ERC1: variants seen among roughly 807,000 people sequenced by gnomAD.
ERC1 encodes the protein RAB6 interacting protein 2.
In ERC1, 56 loss-of-function variants were observed where a neutral mutation model predicts 132.0. The ratio of observed to expected loss-of-function variants is 0.42; its 90% CI spans 0.34 to 0.53. ERC1 has a LOEUF of 0.53. Among genes scored for constraint, ERC1 ranks in the 20% least tolerant of loss-of-function variants. The probability of loss-of-function intolerance (pLI) is 0.03; values close to 1 mark genes in which losing one functional copy is unlikely to be tolerated. For synonymous variants in ERC1, 478 were observed against 476.1 expected, an observed-to-expected ratio of 1.00 and a Z score of -0.05; for missense variants, 1,202 against 1,349.9, an observed-to-expected ratio of 0.89 and a Z score of 1.72.
intron 7 of ERC1, among the ~76,000 whole-genome samples, chr12:1,134,724 G>A (rs1949089711): frequency 1.4e-5 from 2 of 141,778 alleles, no homozygotes; most frequent in South Asian, 4.4e-4. Context: ...GGGGTCCTCA[G>A]TAACTTTTTT....
chr12:1,091,703 C>T (rs1261206225), intron 3 of ERC1, among the ~76,000 whole-genome samples: 2 of 152,128 alleles, frequency 1.3e-5, no homozygotes, highest in African/African-American at 2.4e-5. Context: ...ACCATTCCAC[C>T]GTTGAATCAA....
intron 1 of ERC1, among the ~76,000 whole-genome samples, chr12:1,003,361 A>G (rs1034717751): frequency 3.9e-5 from 6 of 152,176 alleles, no homozygotes; most frequent in African/African-American, 1.2e-4. Context: ...ATAGAATTCT[A>G]AGATCAATGT....
chr12:1,160,991 G>A (rs1423700890), intron 8 of ERC1, among the ~76,000 whole-genome samples: 2 of 152,178 alleles, frequency 1.3e-5, no homozygotes, highest in Non-Finnish European at 2.9e-5. Context: ...GTATGCACTG[G>A]AATAGTCTTT....
At chr12:1,173,585 A>T in intron 8 of ERC1, among the ~76,000 whole-genome samples, 1 of 152,178 alleles carries the variant, frequency 6.6e-6, no homozygotes, top group East Asian at 1.9e-4. Flanking sequence ...TATAAATCTT[A>T]TATTTCAGAT....
chr12:1,180,429 C>G (rs1302233152), intron 8 of ERC1, 111 bp from the exon 9 acceptor site: 1 of 909,260 alleles, frequency 1.1e-6, no homozygotes, highest in African/African-American at 1.7e-5. Context: ...ACAGAATGCA[C>G]ACACACAGAC....
intron 7 of ERC1, among the ~76,000 whole-genome samples, chr12:1,120,169 T>A (rs377041875): frequency 2.6e-5 from 4 of 151,940 alleles, no homozygotes; most frequent in Admixed American, 2.6e-4. Flanking sequence ...TTAATTTGTA[T>A]TTTTTGTAGA....
At chr12:1,010,790 GA>G (rs1964562636) in intron 1 of ERC1, among the ~76,000 whole-genome samples, 1 of 151,938 alleles carries the variant, frequency 6.6e-6, no homozygotes, top group African/African-American at 2.4e-5. Context: ...TGGGATTACC[GA>G]ACCCGGCTGG....
At chr12:1,476,950 A>G (rs897997767) in intron 18 of ERC1, among the ~76,000 whole-genome samples, 2 of 152,248 alleles carry the variant, frequency 1.3e-5, no homozygotes, top group African/African-American at 2.4e-5. Flanking sequence ...ATTTTATCAC[A>G]TGAAAAGCTG....
intron 2 of ERC1, among the ~76,000 whole-genome samples, chr12:1,078,736 A>G (rs1941722788): frequency 6.6e-6 from 1 of 152,204 alleles, no homozygotes; most frequent in African/African-American, 2.4e-5. Flanking sequence ...AATGTTCAAT[A>G]ACAAAATGGG....
intron 12 of ERC1, among the ~76,000 whole-genome samples, chr12:1,226,096 A>T (rs973508685): frequency 6.6e-6 from 1 of 152,126 alleles, no homozygotes; most frequent in Non-Finnish European, 1.5e-5. Flanking sequence ...TTTTCTTTTT[A>T]TTTCCTCTAG....
At chr12:1,438,960 T>C (rs1249599569) in intron 17 of ERC1, among the ~76,000 whole-genome samples, 1 of 142,826 alleles carries the variant, frequency 7.0e-6, no homozygotes, top group Non-Finnish European at 1.5e-5. Context: ...AAAAAATATA[T>C]ATATATATAT....
At chr12:1,436,742 C>A (rs1592048936) in intron 17 of ERC1, among the ~76,000 whole-genome samples, 1 of 152,292 alleles carries the variant, frequency 6.6e-6, no homozygotes, top group East Asian at 1.9e-4. Flanking sequence ...TTCACACGGG[C>A]ATGCAGGGAG....
intron 18 of ERC1, among the ~76,000 whole-genome samples, chr12:1,469,477 AAAG>A (rs2093812711): frequency 1.3e-5 from 2 of 152,244 alleles, no homozygotes; most frequent in African/African-American, 2.4e-5. Flanking sequence ...AAAGAGAGGC[AAAG>A]AAGAAGGACC....
rs180676252 is a variant in ERC1, at chr12:1,316,065, T to A, written c.2780+26053T>A. Among the ~76,000 whole-genome samples, 4 of 152,250 alleles carry A rather than the reference T, an allele frequency of 2.6e-5. No homozygotes were observed. In the South Asian group the frequency reaches 6.2e-4, roughly 24 times the overall value. On this transcript the variant is annotated intron_variant, in intron 15 of 18. Transcript: ENST00000360905. Reference sequence around the variant, plus strand: ...CATCACGCCCGACTAATTTTTTGTATTTTTAGTAGAAATGGGGTTTCACCG... The same window carrying A: ...CATCACGCCCGACTAATTTTTTGTAATTTTAGTAGAAATGGGGTTTCACCG...
upstream of ERC1, chr12:990,649 C>T (rs915762116): frequency 6.6e-6 from 1 of 152,242 alleles, no homozygotes; most frequent in African/African-American, 2.4e-5. Context: ...CCACTAATTT[C>T]GCGGCCGCGT....
chr12:1,193,479 TACACACATATATAA>T (rs1380253885), intron 12 of ERC1, among the ~76,000 whole-genome samples: 6 of 151,838 alleles, frequency 4.0e-5, no homozygotes, highest in African/African-American at 1.5e-4. Flanking sequence ...AATACATATA[TACACACATATATAA>T]ACACACACAA....
At chr12:1,349,199 A>G (rs1161696580) in intron 15 of ERC1, among the ~76,000 whole-genome samples, 1 of 152,238 alleles carries the variant, frequency 6.6e-6, no homozygotes, top group African/African-American at 2.4e-5. Flanking sequence ...TGTTTATAAC[A>G]GAGTCCCAAC....
At chr12:1,005,541 AGGTAGATAATTATT>A (rs1179396844) in intron 1 of ERC1, among the ~76,000 whole-genome samples, 2 of 152,170 alleles carry the variant, frequency 1.3e-5, no homozygotes, top group Non-Finnish European at 2.9e-5. Flanking sequence ...AAGTTACTGA[AGGTAGATAATTATT>A]GGCTATTTCA....
At chr12:1,150,475 C>G (rs1246746587) in intron 8 of ERC1, among the ~76,000 whole-genome samples, 1 of 152,118 alleles carries the variant, frequency 6.6e-6, no homozygotes, top group Non-Finnish European at 1.5e-5. Flanking sequence ...GTGTTTTGAG[C>G]AGGTATTACC....
Sources: gnomAD v4.1 joint callset for allele counts (sites outside exome capture counted in the v4.1 genomes callset) on GRCh38, gnomAD v4.1.1 for gene constraint, MANE v1.5 for transcripts, NCBI Gene and HGNC (gene_info 2026-07-23, HGNC 2026-07-21) for gene names.